TMEM25: variants seen among roughly 807,000 people sequenced by gnomAD.
TMEM25 encodes 0610039J01Rik.
Under a neutral mutation model 37.0 loss-of-function variants are expected in TMEM25, and 36 were observed. That is an observed-to-expected ratio of 0.97 (90% CI 0.75 to 1.28). The LOEUF (loss-of-function observed/expected upper bound fraction) is 1.28, where lower values mean the gene tolerates loss of function less well. TMEM25 is among the 50% of genes most tolerant of loss of function. The pLI, the probability that TMEM25 is intolerant of heterozygous loss-of-function variation, is 0.00. For missense variants in TMEM25, 444 were observed against 477.9 expected, an observed-to-expected ratio of 0.93 and a Z score of 0.66; for synonymous variants, 197 against 203.7, an observed-to-expected ratio of 0.97 and a Z score of 0.28.
chr11:118,540,096 G>A (rs144640820), downstream of TMEM25, among the ~76,000 whole-genome samples: 627 of 151,590 alleles, frequency 4.1e-3, 7 homozygotes, highest in African/African-American at 0.014. Context: ...CGTTTTGAGC[G>A]CAGATTTATC....
chr11:118,543,539 G>A (rs782571067), intron 8 of TMEM25, among the ~76,000 whole-genome samples: 12 of 152,034 alleles, frequency 7.9e-5, no homozygotes, highest in Non-Finnish European at 1.5e-4. Flanking sequence ...CCAGGCTGGA[G>A]TGCAGTGGCG....
At chr11:118,532,609 G>A (rs559910495) in intron 3 of TMEM25, 148 bp downstream of exon 3, 2 of 950,184 alleles carry the variant, frequency 2.1e-6, no homozygotes, top group African/African-American at 3.3e-5. Context: ...ACCCCATGAG[G>A]TCATTACTAT....
intron 8 of TMEM25, chr11:118,546,104 C>G (rs781967999): frequency 2.8e-6 from 2 of 718,486 alleles, no homozygotes; most frequent in South Asian, 3.0e-5. Context: ...TCCAGTATGA[C>G]TGGTGTCCTT....
chr11:118,535,366 C>T lies in TMEM25; in HGVS notation c.*786C>T, dbSNP rs574962840. 6 of 1,398,026 alleles carry T rather than the reference C, an allele frequency of 4.3e-6. No homozygotes were observed. Among genetic ancestry groups the T allele is most frequent in the South Asian group, 1.7e-5 (1 of 57,612 alleles). 86.6% of individuals were successfully genotyped at this position (1,398,026 alleles called of 1,614,324 possible). On this transcript the variant is annotated 3_prime_UTR_variant, in exon 9 of 9. Transcript: ENST00000313236. Reference sequence around the variant, plus strand: ...CTTGTAGCTATGCATCATTTTCCTACGGCGTTAGCACTTTAAGCACATCCC... The same window carrying T: ...CTTGTAGCTATGCATCATTTTCCTATGGCGTTAGCACTTTAAGCACATCCC...
chr11:118,531,364 A>C, intron 1 of TMEM25, 130 bp downstream of exon 1: 1 of 338,422 alleles, frequency 3.0e-6, no homozygotes, highest in Non-Finnish European at 5.5e-6. Flanking sequence ...GAGGGATGGG[A>C]GAGAGAACAG....
At chr11:118,546,145 T>C (rs1555067090) in exon 9 of TMEM25, 1 of 718,334 alleles carries the variant, frequency 1.4e-6, no homozygotes, top group East Asian at 2.7e-5. Context: ...CAAAGACGCA[T>C]AACAGAGGGA....
In TMEM25 at chr11:118,533,150, C is replaced by A. The variant is rs782219308; in HGVS notation, c.616C>A (p.Leu206Ile). ...GCAGCTCCGCAGCCTGGCACACAAC[C>A]TCTCGGTGGTGGCCACCAATGACGT... ...QLQLRSLAHNLSVVATNDVGV... is the reference protein window; with the variant it reads ...QLQLRSLAHNISVVATNDVGV... The change falls in exon 4 of 9, where the codon CTC becomes ATC. Residue 206 changes from leucine (L) to isoleucine (I), a missense_variant. Transcript: ENST00000313236. 10 of 1,609,144 alleles carry A rather than the reference C, an allele frequency of 6.2e-6. No homozygotes were observed. The highest frequency in any genetic ancestry group is 3.3e-5 in the Admixed American group (2 of 60,004).
intron 8 of TMEM25, among the ~76,000 whole-genome samples, chr11:118,544,271 C>T (rs1951623548): frequency 6.6e-6 from 1 of 152,182 alleles, no homozygotes; most frequent in South Asian, 2.1e-4. Context: ...GAGACCAGAA[C>T]CAGACAGGTC....
At chr11:118,538,812 G>A (rs1304037745), downstream of TMEM25, among the ~76,000 whole-genome samples, 1 of 150,730 alleles carries the variant, frequency 6.6e-6, no homozygotes, top group Non-Finnish European at 1.5e-5. Context: ...AGAATCGCTT[G>A]TACCAGGAGG....
Position 118,533,891 on chromosome 11 carries a change from ACT to A in TMEM25, c.836+7_836+8del. On this transcript the variant is annotated splice_donor_5th_base_variant and intron_variant, in intron 6 of 8. Coordinates refer to ENST00000313236, the MANE Select transcript of TMEM25 (RefSeq NM_032780.4). ...GGCACCCATCTCTGATATCAAGGTA[ACT>A]CTTCCTTGGGCTGGGTGGACAAGCC... 5 of 1,613,804 alleles carry A rather than the reference ACT, an allele frequency of 3.1e-6. No homozygotes were observed. Among genetic ancestry groups the A allele is most frequent in the Non-Finnish European group, 4.2e-6 (5 of 1,179,926 alleles).
At position 118,544,910 on chromosome 11, in the gene TMEM25, A is replaced by G. The variant is rs112784379; in HGVS notation, c.1028-1209A>G. ...TCAGCCTTGAAACAGCAGCTTGGGA[A>G]GTGTCTCAGCTGAAGGTTAATGTCT... On this transcript the variant is annotated intron_variant, in intron 8 of 8. Transcript: ENST00000354284. 2.7e-3 allele frequency: 4,377 copies of G among 1,602,288 alleles called. 112 individuals are homozygous for G. The African/African-American group carries it at 0.053, about 19-fold the overall frequency.
chr11:118,543,809 C>CTTT lies in TMEM25; in HGVS notation c.1028-2297_1028-2295dup, dbSNP rs35217372. 2.3e-5 allele frequency among the ~76,000 whole-genome samples: 3 copies of CTTT among 133,260 alleles called. No homozygotes were observed. In the East Asian group the frequency reaches 6.7e-4, roughly 30 times the overall value. The allele number at this position is 133,260 out of a possible 152,430, so 87.4% of individuals were successfully genotyped here. ...GCCAATTCCCCATATTAAACACCCC[C>CTTT]TTTTTTTTTTTTTTTGAGATGCAGT... On this transcript the variant is annotated intron_variant, in intron 8 of 8. Transcript: ENST00000354284.
chr11:118,532,107 A>C (rs1555058918), intron 2 of TMEM25, 43 bp from the exon 3 acceptor site: 2 of 1,494,764 alleles, frequency 1.3e-6, no homozygotes, highest in Admixed American at 2.3e-5. Context: ...CACAGTACCA[A>C]CCGTGCCTGA....
intron 8 of TMEM25, among the ~76,000 whole-genome samples, chr11:118,543,804 A>G (rs1329527137): frequency 9.9e-6 from 1 of 100,506 alleles, no homozygotes; most frequent in Non-Finnish European, 2.1e-5. Context: ...CATATTAAAC[A>G]CCCCCTTTTT....
intron 8 of TMEM25, chr11:118,545,670 A>G: frequency 8.3e-7 from 1 of 1,202,490 alleles, no homozygotes; most frequent in Non-Finnish European, 1.2e-6. Flanking sequence ...GCCAAAGAGC[A>G]CAACGGGCTT....
intron 8 of TMEM25, chr11:118,544,852 T>C: frequency 8.7e-7 from 1 of 1,155,276 alleles, no homozygotes; most frequent in South Asian, 1.3e-5. Context: ...CTGACAACGA[T>C]CTGTCCATCT....
At position 118,535,294 on chromosome 11, in the gene TMEM25, G is replaced by C; in HGVS notation, c.*714G>C. 7.7e-7 allele frequency: 1 copy of C among 1,305,442 alleles called. No individual in the cohort carries two copies. Among genetic ancestry groups the C allele is most frequent in the Non-Finnish European group, 9.7e-7 (1 of 1,026,986 alleles). 80.9% of individuals were successfully genotyped at this position (1,305,442 alleles called of 1,614,324 possible). A position where few individuals can be genotyped will look rare whatever the true frequency, so the allele number is the denominator to read the frequency against. On this transcript the variant is annotated 3_prime_UTR_variant, in exon 9 of 9. Coordinates refer to ENST00000313236, the MANE Select transcript of TMEM25 (RefSeq NM_032780.4). Reference sequence around the variant, plus strand: ...GTGCCATCGCCCAGTATTAGCACAAGTTAGGGAGGAAGAGGCAGGCGATGA... The same window carrying C: ...GTGCCATCGCCCAGTATTAGCACAACTTAGGGAGGAAGAGGCAGGCGATGA...
At position 118,535,391 on chromosome 11, in the gene TMEM25, C is replaced by T; in HGVS notation, c.*811C>T. 1 of 1,426,418 alleles carries T rather than the reference C, an allele frequency of 7.0e-7. No individual in the cohort carries two copies. The highest frequency in any genetic ancestry group is 9.1e-7 in the Non-Finnish European group (1 of 1,093,172). 88.4% of individuals were successfully genotyped at this position (1,426,418 alleles called of 1,614,324 possible). Reference sequence around the variant, plus strand: ...CGGCGTTAGCACTTTAAGCACATCCCCTAGGGGAGGGGGTGAGTGAGGGGC... The same window carrying T: ...CGGCGTTAGCACTTTAAGCACATCCTCTAGGGGAGGGGGTGAGTGAGGGGC... On this transcript the variant is annotated 3_prime_UTR_variant, in exon 9 of 9. Transcript: ENST00000313236.
At chr11:118,531,711 T>A (rs782225968) in intron 1 of TMEM25, 64 bp from the exon 2 acceptor site, 1 of 1,217,044 alleles carries the variant, frequency 8.2e-7, no homozygotes, top group Non-Finnish European at 1.1e-6. Flanking sequence ...GAGAGTAAAT[T>A]CCTGGAGCAA....
Sources: allele counts gnomAD v4.1 joint callset (sites outside exome capture counted in the v4.1 genomes callset), GRCh38; gene constraint gnomAD v4.1.1; transcripts MANE v1.5; gene names NCBI Gene and HGNC (gene_info 2026-07-23, HGNC 2026-07-21).